The following DEPTOR variants were observed in gnomAD, a reference collection of about 807,000 sequenced individuals.
The protein encoded by DEPTOR is DEP domain-containing mTOR-interacting protein.
DEPTOR carries 41 observed loss-of-function variants against 41.6 expected under a neutral mutation model. The observed-to-expected ratio is 0.98, with a 90% CI of 0.77 to 1.28. DEPTOR has a LOEUF of 1.28. Among genes scored for constraint, DEPTOR ranks in the 50% most tolerant of loss-of-function variants. The pLI is 0.00. For missense variants in DEPTOR, 514 were observed against 527.9 expected, an observed-to-expected ratio of 0.97 and a Z score of 0.26; for synonymous variants, 195 against 192.3, an observed-to-expected ratio of 1.01 and a Z score of -0.12.
chr8:120,026,814 A>C (rs534696636), intron 8 of DEPTOR, among the ~76,000 whole-genome samples: 1 of 152,252 alleles, frequency 6.6e-6, no homozygotes, highest in Admixed American at 6.6e-5. Context: ...TCATAATATA[A>C]ATTTTCCATC....
chr8:119,883,347 C>T (rs896729158), intron 1 of DEPTOR, among the ~76,000 whole-genome samples: 7 of 151,704 alleles, frequency 4.6e-5, no homozygotes, highest in African/African-American at 1.2e-4. Context: ...TGGTGGCAGA[C>T]GCCTGTAGTC....
intron 6 of DEPTOR, among the ~76,000 whole-genome samples, chr8:120,005,958 G>T (rs1454177068): frequency 6.6e-6 from 1 of 152,116 alleles, no homozygotes; most frequent in Non-Finnish European, 1.5e-5. Context: ...AGCTGAGAGT[G>T]TGGGTGCTGG....
intron 1 of DEPTOR, among the ~76,000 whole-genome samples, chr8:119,886,956 A>G (rs747487744): frequency 2.6e-5 from 4 of 152,194 alleles, no homozygotes; most frequent in Non-Finnish European, 4.4e-5. Flanking sequence ...ACCAAGTGAA[A>G]TAAGAGAAGG....
chr8:120,002,340 A>C (rs544375617), intron 5 of DEPTOR, among the ~76,000 whole-genome samples: 2 of 151,926 alleles, frequency 1.3e-5, no homozygotes, highest in East Asian at 3.9e-4. Context: ...GGGTTTCACT[A>C]TGTTGGCCAG....
intron 1 of DEPTOR, among the ~76,000 whole-genome samples, chr8:119,920,143 A>G (rs762924105): frequency 2.6e-5 from 4 of 152,104 alleles, no homozygotes; most frequent in Non-Finnish European, 4.4e-5. Context: ...TTGAAAATGC[A>G]GCTAAAATAC....
At chr8:119,911,683 T>C (rs1433977946) in intron 1 of DEPTOR, among the ~76,000 whole-genome samples, 2 of 152,196 alleles carry the variant, frequency 1.3e-5, no homozygotes, top group African/African-American at 4.8e-5. Flanking sequence ...ATGTAACATT[T>C]CTTATCCAGT....
Position 119,951,292 on chromosome 8 carries a change from C to T in DEPTOR, c.426-13940C>T, listed in dbSNP as rs972236299. 1.6e-4 allele frequency among the ~76,000 whole-genome samples: 24 copies of T among 152,150 alleles called. 1 individual carries two copies. Among genetic ancestry groups the T allele is most frequent in the Non-Finnish European group, 2.9e-4 (20 of 68,028 alleles). Reference sequence around the variant, plus strand: ...TATAATAGGTTTTAGAACCCAGCTTCCCTTGACATTTGTTTGAAAAGGCTC... The same window carrying T: ...TATAATAGGTTTTAGAACCCAGCTTTCCTTGACATTTGTTTGAAAAGGCTC... On this transcript the variant is annotated intron_variant, in intron 3 of 8. Transcript: ENST00000286234.
At chr8:119,985,230 T>G (rs1172654854) in intron 4 of DEPTOR, among the ~76,000 whole-genome samples, 1 of 152,210 alleles carries the variant, frequency 6.6e-6, no homozygotes, top group Non-Finnish European at 1.5e-5. Flanking sequence ...GTTTCCCAAC[T>G]TTTTAATGAT....
At chr8:119,988,730 G>A (rs564290950) in intron 4 of DEPTOR, among the ~76,000 whole-genome samples, 8 of 152,096 alleles carry the variant, frequency 5.3e-5, no homozygotes, top group South Asian at 2.1e-4. Context: ...CGAACTGCCC[G>A]CCTCGGGTCC....
chr8:119,880,327 G>A (rs886115645), intron 1 of DEPTOR, among the ~76,000 whole-genome samples: 2 of 151,948 alleles, frequency 1.3e-5, no homozygotes, highest in Non-Finnish European at 2.9e-5. Flanking sequence ...AATCTTTATA[G>A]CAACTCTATG....
rs114653974 is a variant in DEPTOR at position 119,877,096 on chromosome 8, G to A, written c.122+3128G>A. Among the ~76,000 whole-genome samples, 852 of 152,220 alleles carry A rather than the reference G, an allele frequency of 5.6e-3. 10 individuals carry two copies. The highest frequency in any genetic ancestry group is 0.02 in the African/African-American group (815 of 41,530). ...CTGTAACTTTAGGACAATATGTTTA[G>A]CCTCTCTGTGTCTCAGTTTCCTCTT... On this transcript the variant is annotated intron_variant, in intron 1 of 8. Coordinates refer to ENST00000286234, the MANE Select transcript of DEPTOR (RefSeq NM_022783.4).
At chr8:119,897,554 AT>A (rs1827536899) in intron 1 of DEPTOR, among the ~76,000 whole-genome samples, 1 of 152,190 alleles carries the variant, frequency 6.6e-6, no homozygotes, top group Non-Finnish European at 1.5e-5. Context: ...TCAAAAAATT[AT>A]TTGGTATATT....
intron 1 of DEPTOR, among the ~76,000 whole-genome samples, chr8:119,874,661 G>A (rs1827209655): frequency 6.6e-6 from 1 of 152,142 alleles, no homozygotes; most frequent in Non-Finnish European, 1.5e-5. Flanking sequence ...GGGCTCGCAC[G>A]TTTTGGGCAG....
intron 1 of DEPTOR, among the ~76,000 whole-genome samples, chr8:119,918,992 G>A (rs11984993): frequency 7.1e-6 from 1 of 141,744 alleles, no homozygotes; most frequent in Admixed American, 6.9e-5. Context: ...TGTTGTCCAA[G>A]ACCAATTGCT....
At chr8:119,902,299 GCA>G (rs1827604993) in intron 1 of DEPTOR, among the ~76,000 whole-genome samples, 1 of 152,072 alleles carries the variant, frequency 6.6e-6, no homozygotes, top group South Asian at 2.1e-4. Flanking sequence ...TTGGCCATGG[GCA>G]CACATGACTA....
intron 4 of DEPTOR, among the ~76,000 whole-genome samples, chr8:119,989,984 T>C: frequency 6.6e-6 from 1 of 152,230 alleles, no homozygotes; most frequent in East Asian, 1.9e-4. Context: ...ATCTGAGATA[T>C]TCCATTTGCC....
chr8:120,037,851 C>T (rs181405699), intron 8 of DEPTOR, among the ~76,000 whole-genome samples: 59 of 152,208 alleles, frequency 3.9e-4, no homozygotes, highest in African/African-American at 1.2e-3. Context: ...CATTCCCCAT[C>T]GTTTTCTTCC....
At chr8:119,918,653 G>T (rs1044456878) in intron 1 of DEPTOR, among the ~76,000 whole-genome samples, 1 of 152,084 alleles carries the variant, frequency 6.6e-6, no homozygotes, top group Non-Finnish European at 1.5e-5. Flanking sequence ...TAGAGACGGG[G>T]TTTCACCATG....
chr8:119,952,936 T>C (rs1828372396), intron 3 of DEPTOR, among the ~76,000 whole-genome samples: 1 of 152,208 alleles, frequency 6.6e-6, no homozygotes, highest in African/African-American at 2.4e-5. Context: ...CCTTTTCCAG[T>C]ATGCAGTAGT....
Sources: allele counts gnomAD v4.1 joint callset (sites outside exome capture counted in the v4.1 genomes callset), GRCh38; gene constraint gnomAD v4.1.1; transcripts MANE v1.5; gene names NCBI Gene and HGNC (gene_info 2026-07-23, HGNC 2026-07-21).